DPY19L2: variants seen among roughly 807,000 people sequenced by gnomAD.
DPY19L2 encodes probable C-mannosyltransferase DPY19L2.
Under a neutral mutation model 97.9 loss-of-function variants are expected in DPY19L2, and 34 were observed. That is an observed-to-expected ratio of 0.35 (90% CI 0.26 to 0.46). The LOEUF (loss-of-function observed/expected upper bound fraction) is 0.46, where lower values mean the gene tolerates loss of function less well. Among genes scored for constraint, DPY19L2 ranks in the 20% least tolerant of loss-of-function variants. The pLI, the probability that DPY19L2 is intolerant of heterozygous loss-of-function variation, is 1.00. For synonymous variants in DPY19L2, 230 were observed against 307.9 expected, an observed-to-expected ratio of 0.75 and a Z score of 2.65; for missense variants, 623 against 911.4, an observed-to-expected ratio of 0.68 and a Z score of 4.07.
At chr12:63,647,878 G>T (rs1277162357) in intron 4 of DPY19L2, among the ~76,000 whole-genome samples, 1 of 152,108 alleles carries the variant, frequency 6.6e-6, no homozygotes, top group Non-Finnish European at 1.5e-5. Context: ...GGCTCTCTTT[G>T]TGCCTCATTT....
chr12:63,631,310 T>C (rs1467046264), intron 6 of DPY19L2, among the ~76,000 whole-genome samples: 1 of 151,854 alleles, frequency 6.6e-6, no homozygotes, highest in African/African-American at 2.4e-5. Context: ...ACAAAACTGA[T>C]ACACCGCTAG....
chr12:63,641,383 CATATA>C (rs1453008233), intron 6 of DPY19L2, among the ~76,000 whole-genome samples: 3 of 151,956 alleles, frequency 2.0e-5, no homozygotes, highest in Non-Finnish European at 4.4e-5. Flanking sequence ...ATGTAGTCGC[CATATA>C]ATTAACTGAA....
chr12:63,646,489 A>G (rs1259170516), intron 5 of DPY19L2, among the ~76,000 whole-genome samples: 4 of 152,158 alleles, frequency 2.6e-5, no homozygotes, highest in Non-Finnish European at 4.4e-5. Context: ...CAAGAGTTGA[A>G]TGTTGTTACA....
Position 63,626,452 on chromosome 12 carries a change from C to T in DPY19L2, c.861+17G>A, listed in dbSNP as rs1357596373. ...AGCCTCTTCTATTTCTTAAAAATTG[C>T]TTTCTAGAAAACAAACCTCTCCATG... On this transcript the variant is annotated intron_variant, in intron 7 of 21. Coordinates refer to ENST00000324472, the MANE Select transcript of DPY19L2 (RefSeq NM_173812.5). 1.3e-6 allele frequency: 2 copies of T among 1,559,278 alleles called. No homozygotes were observed. The highest frequency in any genetic ancestry group is 4.6e-5 in the East Asian group (2 of 43,586).
chr12:63,576,398 C>A (rs1341050037), intron 19 of DPY19L2, among the ~76,000 whole-genome samples: 1 of 151,890 alleles, frequency 6.6e-6, no homozygotes, highest in East Asian at 1.9e-4. Flanking sequence ...CAAGGATGCT[C>A]ACTTTTTACC....
chr12:63,615,242 T>C (rs2137731248), intron 11 of DPY19L2, among the ~76,000 whole-genome samples: 1 of 152,262 alleles, frequency 6.6e-6, no homozygotes, highest in African/African-American at 2.4e-5. Flanking sequence ...TGACAGGGAA[T>C]CAATTCATTA....
chr12:63,576,765 A>G (rs1879916444), intron 19 of DPY19L2, among the ~76,000 whole-genome samples: 1 of 151,982 alleles, frequency 6.6e-6, no homozygotes, highest in African/African-American at 2.4e-5. Context: ...AAGCTATACA[A>G]AACTGGAGAA....
chr12:63,583,720 G>C (rs1277602996), intron 17 of DPY19L2, 92 bp downstream of exon 17: 2 of 1,244,396 alleles, frequency 1.6e-6, no homozygotes, highest in Non-Finnish European at 2.3e-6. Context: ...CACTACTGAA[G>C]GTGCATCAGC....
chr12:63,617,331 A>G lies in DPY19L2; in HGVS notation c.1191T>C (p.Tyr397=), dbSNP rs1419231812. The G allele has an allele frequency of 1.3e-6, 2 of 1,597,412 alleles. No individual in the cohort carries two copies. Among genetic ancestry groups the G allele is most frequent in the Non-Finnish European group, 8.6e-7 (1 of 1,168,798 alleles). Residue 397 remains tyrosine (Y), a synonymous_variant, in exon 11 of 22, where the codon TAT becomes TAC. Transcript: ENST00000324472. ...ACGTCATTAACAAAGATGAAGAATA[A>G]TAAGAAGATAAGTACATTGAATTTC... ...MFGNSMYLSS[Y]YSSSLLMTWA...
At chr12:63,632,931 C>A (rs1230759621) in intron 6 of DPY19L2, among the ~76,000 whole-genome samples, 1 of 152,130 alleles carries the variant, frequency 6.6e-6, no homozygotes, top group Non-Finnish European at 1.5e-5. Flanking sequence ...ACCATCTGAT[C>A]TTTGACAAAC....
At chr12:63,582,986 C>T (rs1419382416) in intron 17 of DPY19L2, among the ~76,000 whole-genome samples, 1 of 151,974 alleles carries the variant, frequency 6.6e-6, no homozygotes, top group Non-Finnish European at 1.5e-5. Flanking sequence ...TACAATGCTC[C>T]AAAATCTGAA....
chr12:63,620,756 C>T (rs907646149), intron 9 of DPY19L2, among the ~76,000 whole-genome samples: 2 of 152,120 alleles, frequency 1.3e-5, no homozygotes, highest in African/African-American at 4.8e-5. Context: ...GACACGTGCA[C>T]CCATGTCTTC....
At chr12:63,570,644 AGTTTGT>A (rs757398303) in intron 20 of DPY19L2, 108 bp downstream of exon 20, 2 of 904,346 alleles carry the variant, frequency 2.2e-6, no homozygotes, top group Admixed American at 4.0e-5. Context: ...AATGAGGATG[AGTTTGT>A]GTGTGTGTGT....
intron 11 of DPY19L2, among the ~76,000 whole-genome samples, chr12:63,610,055 A>C (rs1395061033): frequency 2.6e-5 from 4 of 151,866 alleles, no homozygotes; most frequent in East Asian, 3.8e-4. Context: ...GAATGAGGAA[A>C]ATCTCTATGA....
intron 12 of DPY19L2, among the ~76,000 whole-genome samples, chr12:63,605,039 GT>G (rs1885809818): frequency 6.6e-6 from 1 of 152,056 alleles, no homozygotes; most frequent in South Asian, 2.1e-4. Context: ...GTTTGCTATA[GT>G]TACAATGACA....
intron 4 of DPY19L2, chr12:63,651,632 A>G: frequency 2.7e-6 from 1 of 369,510 alleles, no homozygotes; most frequent in Non-Finnish European, 5.5e-6. Context: ...CCAACATGGC[A>G]AAAATCTCCG....
intron 18 of DPY19L2, among the ~76,000 whole-genome samples, chr12:63,581,257 T>C (rs1880837379): frequency 6.6e-6 from 1 of 152,124 alleles, no homozygotes; most frequent in Admixed American, 6.5e-5. Context: ...ATTTTAAGGC[T>C]ATACACTCAT....
At chr12:63,658,977 C>A (rs543690418) in intron 4 of DPY19L2, among the ~76,000 whole-genome samples, 2 of 152,286 alleles carry the variant, frequency 1.3e-5, no homozygotes, top group African/African-American at 4.8e-5. Flanking sequence ...ATTGTCTTGA[C>A]TGGTGATGGT....
chr12:63,593,280 C>T (rs1883485104), intron 16 of DPY19L2, among the ~76,000 whole-genome samples: 1 of 152,142 alleles, frequency 6.6e-6, no homozygotes, highest in South Asian at 2.1e-4. Flanking sequence ...CCCAGCCATC[C>T]CATTACTGGG....
Sources: gnomAD v4.1 joint callset for allele counts (sites outside exome capture counted in the v4.1 genomes callset) on GRCh38, gnomAD v4.1.1 for gene constraint, MANE v1.5 for transcripts, NCBI Gene and HGNC (gene_info 2026-07-23, HGNC 2026-07-21) for gene names.